The following LRRC4C variants were observed in gnomAD, a reference collection of about 807,000 sequenced individuals.
The protein encoded by LRRC4C is leucine rich repeat containing 4C, also known as leucine-rich repeat-containing protein 4C.
A neutral mutation model predicts 33.6 loss-of-function variants in LRRC4C; 5 were observed. That is an observed-to-expected ratio of 0.15 (90% confidence interval 0.08 to 0.31). The LOEUF is 0.31. LRRC4C is among the 10% of genes least tolerant of loss of function. The pLI is 1.00. For synonymous variants in LRRC4C, 329 were observed against 302.0 expected, an observed-to-expected ratio of 1.09 and a Z score of -0.93; for missense variants, 560 against 796.7, an observed-to-expected ratio of 0.70 and a Z score of 3.58.
chr11:41,296,633 C>T (rs1950151932), intron 1 of LRRC4C, among the ~76,000 whole-genome samples: 1 of 152,000 alleles, frequency 6.6e-6, no homozygotes, highest in East Asian at 1.9e-4. Context: ...TTTTGAGGTC[C>T]CCAAATAAGA....
chr11:40,183,378 C>T (rs181307963), intron 5 of LRRC4C, among the ~76,000 whole-genome samples: 30 of 152,214 alleles, frequency 2.0e-4, no homozygotes, highest in Admixed American at 1.4e-3. Flanking sequence ...ATAACTCAAA[C>T]GTTTGTTGTT....
chr11:41,423,557 C>A (rs1468961289), intron 1 of LRRC4C, among the ~76,000 whole-genome samples: 2 of 151,922 alleles, frequency 1.3e-5, no homozygotes, highest in African/African-American at 4.8e-5. Flanking sequence ...ATAATGATGT[C>A]TGAGAAAGAT....
intron 1 of LRRC4C, among the ~76,000 whole-genome samples, chr11:41,364,970 A>AGT (rs372240682): frequency 0.029 from 4,338 of 150,204 alleles, 183 homozygotes; most frequent in African/African-American, 0.096. Flanking sequence ...AACACCATGG[A>AGT]GTGTGTGTGT....
At chr11:41,006,916 A>G (rs879583159) in intron 1 of LRRC4C, among the ~76,000 whole-genome samples, 4 of 152,160 alleles carry the variant, frequency 2.6e-5, no homozygotes, top group Admixed American at 2.6e-4. Context: ...CAAAGGTAAG[A>G]AAAAGATTGT....
At chr11:41,015,967 G>A (rs1855558450) in intron 1 of LRRC4C, among the ~76,000 whole-genome samples, 1 of 152,094 alleles carries the variant, frequency 6.6e-6, no homozygotes, top group Non-Finnish European at 1.5e-5. Flanking sequence ...TCCAGCCCGG[G>A]CGAGCTGCAG....
chr11:40,395,914 G>A (rs1320805987), intron 3 of LRRC4C, among the ~76,000 whole-genome samples: 1 of 152,092 alleles, frequency 6.6e-6, no homozygotes, highest in Non-Finnish European at 1.5e-5. Flanking sequence ...TTGAACCTGG[G>A]AGTCGGAGGT....
intron 1 of LRRC4C, among the ~76,000 whole-genome samples, chr11:41,271,196 G>C (rs920188359): frequency 6.6e-6 from 1 of 151,998 alleles, no homozygotes; most frequent in African/African-American, 2.4e-5. Context: ...CCCAGTTCTT[G>C]TGCTTCCACA....
At position 40,854,147 on chromosome 11, in the gene LRRC4C, C is replaced by T. The variant is rs565821738; in HGVS notation, c.-407+79488G>A. Among the ~76,000 whole-genome samples the T allele has an allele frequency of 7.9e-5, 12 of 152,258 alleles. No individual in the cohort carries two copies. In the East Asian group the frequency reaches 2.3e-3, roughly 29 times the overall value. ...ATGGGTAAAGAATAGCCAGTTGTCA[C>T]ATCTCTATTTTTTTTCTGGATCCAA... On this transcript the variant is annotated intron_variant, in intron 2 of 6. Coordinates refer to ENST00000528697, the MANE Select transcript of LRRC4C (RefSeq NM_001258419.2).
At chr11:40,376,806 G>T (rs977169013) in intron 3 of LRRC4C, among the ~76,000 whole-genome samples, 1 of 151,874 alleles carries the variant, frequency 6.6e-6, no homozygotes, top group Non-Finnish European at 1.5e-5. Context: ...ATAGTGGTCC[G>T]TATCCTTAGA....
At chr11:40,716,578 C>T (rs532527641) in intron 2 of LRRC4C, among the ~76,000 whole-genome samples, 6 of 152,234 alleles carry the variant, frequency 3.9e-5, no homozygotes, top group African/African-American at 1.4e-4. Flanking sequence ...GTACTTACGA[C>T]ATTGCTCCCA....
At chr11:40,758,757 A>G (rs1021563875) in intron 2 of LRRC4C, among the ~76,000 whole-genome samples, 1 of 152,020 alleles carries the variant, frequency 6.6e-6, no homozygotes, top group Admixed American at 6.6e-5. Context: ...TGGTTCTTCC[A>G]TAAAATTTTT....
At chr11:40,236,942 A>G (rs375214798) in intron 5 of LRRC4C, among the ~76,000 whole-genome samples, 3 of 152,348 alleles carry the variant, frequency 2.0e-5, no homozygotes, top group African/African-American at 7.2e-5. Context: ...TTTAAAAACA[A>G]ATGTGCAGAG....
chr11:40,537,966 C>A (rs1227126115), intron 3 of LRRC4C, among the ~76,000 whole-genome samples: 1 of 152,050 alleles, frequency 6.6e-6, no homozygotes, highest in African/African-American at 2.4e-5. Flanking sequence ...CACCCCAGAC[C>A]CACAGGATTA....
At chr11:40,303,811 C>A (rs1401080356) in intron 4 of LRRC4C, among the ~76,000 whole-genome samples, 3 of 152,098 alleles carry the variant, frequency 2.0e-5, no homozygotes, top group African/African-American at 4.8e-5. Context: ...CTTTGAGAGA[C>A]CTTTGGGCTT....
chr11:41,306,071 TG>T (rs1225230760), intron 1 of LRRC4C, among the ~76,000 whole-genome samples: 3 of 151,668 alleles, frequency 2.0e-5, no homozygotes, highest in Non-Finnish European at 4.4e-5. Flanking sequence ...AATTACTGTT[TG>T]TTTTGATTAC....
chr11:40,684,915 G>A (rs1274960140), intron 2 of LRRC4C, among the ~76,000 whole-genome samples: 1 of 151,902 alleles, frequency 6.6e-6, no homozygotes, highest in Non-Finnish European at 1.5e-5. Flanking sequence ...TAATATAATA[G>A]AAGAAGATAT....
chr11:41,352,246 C>T (rs891461273), intron 1 of LRRC4C, among the ~76,000 whole-genome samples: 1 of 152,078 alleles, frequency 6.6e-6, no homozygotes, highest in Non-Finnish European at 1.5e-5. Context: ...AAATTTTAAA[C>T]CAACAGTTAT....
intron 1 of LRRC4C, among the ~76,000 whole-genome samples, chr11:41,200,594 G>A (rs185240078): frequency 2.6e-5 from 4 of 152,010 alleles, no homozygotes; most frequent in East Asian, 1.9e-4. Flanking sequence ...TTGCTTTACC[G>A]ATGATGGAGT....
intron 2 of LRRC4C, among the ~76,000 whole-genome samples, chr11:40,876,993 T>C (rs1349469619): frequency 1.3e-5 from 2 of 151,952 alleles, no homozygotes; most frequent in Non-Finnish European, 2.9e-5. Flanking sequence ...TATCTCACTT[T>C]TGTGAGTAAG....
Sources: allele counts gnomAD v4.1 joint callset (sites outside exome capture counted in the v4.1 genomes callset), GRCh38; gene constraint gnomAD v4.1.1; transcripts MANE v1.5; gene names NCBI Gene and HGNC (gene_info 2026-07-23, HGNC 2026-07-21).